CCSER2: variants seen among roughly 807,000 people sequenced by gnomAD.
CCSER2 encodes the protein serine-rich coiled-coil domain-containing protein 2.
CCSER2 carries 46 observed loss-of-function variants against 92.3 expected under a neutral mutation model. The observed-to-expected ratio is 0.50, with a 90% CI of 0.39 to 0.64. CCSER2 has a LOEUF of 0.64. CCSER2 is among the 30% of genes least tolerant of loss of function. The pLI is 0.00. For missense variants in CCSER2, 1,244 were observed against 1,238.9 expected (o/e 1.00, Z -0.06); for synonymous variants, 433 against 431.4 (o/e 1.00, Z -0.04).
At chr10:84,381,728 GA>G (rs1840917216) in intron 3 of CCSER2, among the ~76,000 whole-genome samples, 1 of 151,926 alleles carries the variant, frequency 6.6e-6, no homozygotes, top group Non-Finnish European at 1.5e-5. Context: ...AGGAGTTCAA[GA>G]CCAGCCTGAC....
chr10:84,430,358 C>T (rs1843698124), intron 5 of CCSER2, among the ~76,000 whole-genome samples: 2 of 152,144 alleles, frequency 1.3e-5, no homozygotes, highest in South Asian at 4.1e-4. Flanking sequence ...CATTTCAAAG[C>T]CTCTTGTGGA....
At chr10:84,364,151 A>G (rs1845657245) in intron 1 of CCSER2, among the ~76,000 whole-genome samples, 1 of 152,198 alleles carries the variant, frequency 6.6e-6, no homozygotes, top group African/African-American at 2.4e-5. Context: ...GCTCTGGATG[A>G]GTTAGTGAGT....
chr10:84,387,768 T>A (rs1201817550), intron 3 of CCSER2, among the ~76,000 whole-genome samples: 1 of 152,170 alleles, frequency 6.6e-6, no homozygotes, highest in Admixed American at 6.5e-5. Context: ...GACTTCGTGA[T>A]CCGCCCACCT....
chr10:84,431,646 G>A (rs946445883), intron 5 of CCSER2, among the ~76,000 whole-genome samples: 11 of 152,134 alleles, frequency 7.2e-5, no homozygotes, highest in African/African-American at 2.2e-4. Context: ...GGAGGCTGAG[G>A]TGGGGGGATC....
intron 3 of CCSER2, among the ~76,000 whole-genome samples, chr10:84,386,457 C>T (rs1306902719): frequency 6.6e-6 from 1 of 152,210 alleles, no homozygotes; most frequent in Non-Finnish European, 1.5e-5. Context: ...TGGCTCATGC[C>T]TGTAATCCCA....
intron 6 of CCSER2, among the ~76,000 whole-genome samples, chr10:84,461,441 T>C (rs573867382): frequency 3.6e-4 from 55 of 152,326 alleles, no homozygotes; most frequent in African/African-American, 1.2e-3. Context: ...AGCTCTTTTA[T>C]TACTGTCCGC....
At chr10:84,469,028 G>A (rs1846622263) in intron 7 of CCSER2, among the ~76,000 whole-genome samples, 1 of 152,026 alleles carries the variant, frequency 6.6e-6, no homozygotes, top group Admixed American at 6.6e-5. Context: ...GTGAGAACTG[G>A]CTACTTGTCT....
In CCSER2 at chr10:84,405,239, ATGT is replaced by A. The variant is rs567765610; in HGVS notation, c.1615-12526_1615-12524del. ...ACTCAGTGGAGAAATCTTTCAACAA[ATGT>A]TGTTGGAACCATTTGATCGTTCATA... On this transcript the variant is annotated intron_variant, in intron 3 of 9. Coordinates refer to ENST00000372088, the MANE Select transcript of CCSER2 (RefSeq NM_001284240.2). Among the ~76,000 whole-genome samples the A allele has an allele frequency of 3.7e-3, 560 of 152,156 alleles. 4 individuals carry two copies. The highest frequency in any genetic ancestry group is 0.024 in the South Asian group (116 of 4,832).
At chr10:84,434,971 G>A (rs977135963) in intron 5 of CCSER2, among the ~76,000 whole-genome samples, 2 of 152,016 alleles carry the variant, frequency 1.3e-5, no homozygotes, top group Non-Finnish European at 2.9e-5. Flanking sequence ...AAGTATATAG[G>A]TTTCTTTATG....
At chr10:84,375,314 A>G (rs1219527463) in intron 3 of CCSER2, among the ~76,000 whole-genome samples, 2 of 152,134 alleles carry the variant, frequency 1.3e-5, no homozygotes, top group African/African-American at 2.4e-5. Context: ...AAAAACATCC[A>G]TTCTGTGCTT....
rs1160202078 is a variant in CCSER2 at position 84,438,614 on chromosome 10, A to G, written c.1971A>G (p.Thr657=). 3.1e-6 allele frequency: 5 copies of G among 1,613,424 alleles called. No homozygotes were observed. In the East Asian group the frequency reaches 8.9e-5, roughly 29 times the overall value. The part of the protein sequence containing the change: ...QKMFVDVPEN[T]VILDEMTLRH... ...TGTTTGTTGATGTACCAGAAAATAC[A>G]GTGATACTGGATGAGATGACCCTTC... The change falls in exon 6 of 10, where the codon ACA becomes ACG. Residue 657 remains threonine, a synonymous_variant. Coordinates refer to ENST00000372088, the MANE Select transcript of CCSER2 (RefSeq NM_001284240.2).
At chr10:84,452,052 C>A (rs115148316) in intron 6 of CCSER2, among the ~76,000 whole-genome samples, 128 of 152,228 alleles carry the variant, frequency 8.4e-4, no homozygotes, top group African/African-American at 2.9e-3. Flanking sequence ...AAAAAACTTA[C>A]AAAAAGAAAA....
intron 6 of CCSER2, among the ~76,000 whole-genome samples, chr10:84,448,616 G>C (rs1564674925): frequency 6.6e-6 from 1 of 152,258 alleles, no homozygotes; most frequent in East Asian, 1.9e-4. Flanking sequence ...CAAATAAACT[G>C]CACCCATTTT....
At chr10:84,458,149 T>A (rs1845889214) in intron 6 of CCSER2, among the ~76,000 whole-genome samples, 1 of 152,186 alleles carries the variant, frequency 6.6e-6, no homozygotes. Context: ...ATTTTCTATG[T>A]TTAAGTGGAT....
intron 9 of CCSER2, among the ~76,000 whole-genome samples, chr10:84,488,792 G>T (rs1361166488): frequency 2.2e-5 from 3 of 139,262 alleles, no homozygotes; most frequent in African/African-American, 7.3e-5. Context: ...TTTTGAATGT[G>T]TTTGCTCTTG....
At chr10:84,494,303 A>G (rs1003105294) in intron 9 of CCSER2, among the ~76,000 whole-genome samples, 10 of 152,184 alleles carry the variant, frequency 6.6e-5, no homozygotes, top group African/African-American at 2.4e-4. Flanking sequence ...TATTATAATT[A>G]GCATATAATG....
chr10:84,490,502 A>C (rs183009715), intron 9 of CCSER2, among the ~76,000 whole-genome samples: 1 of 152,274 alleles, frequency 6.6e-6, no homozygotes, highest in East Asian at 1.9e-4. Flanking sequence ...ATCTTCAATC[A>C]CTGATACCCT....
intron 3 of CCSER2, among the ~76,000 whole-genome samples, chr10:84,395,276 T>C (rs1470504157): frequency 1.3e-5 from 2 of 150,998 alleles, no homozygotes; most frequent in Non-Finnish European, 3.0e-5. Flanking sequence ...TTACCTAGCA[T>C]AGTACCTGGC....
intron 6 of CCSER2, among the ~76,000 whole-genome samples, chr10:84,441,102 T>C (rs1193932178): frequency 6.6e-6 from 1 of 152,248 alleles, no homozygotes; most frequent in Non-Finnish European, 1.5e-5. Flanking sequence ...ATGTTCTTGT[T>C]ATTTCTGTGA....
Sources: gnomAD v4.1 joint callset for allele counts (sites outside exome capture counted in the v4.1 genomes callset) on GRCh38, gnomAD v4.1.1 for gene constraint, MANE v1.5 for transcripts, NCBI Gene and HGNC (gene_info 2026-07-23, HGNC 2026-07-21) for gene names.